Variants in CSMD3 observed in about 807,000 individuals in gnomAD.
The protein encoded by CSMD3 is CUB and Sushi multiple domains 3.
Under a neutral mutation model 435.2 loss-of-function variants are expected in CSMD3, and 177 were observed. The observed-to-expected ratio is 0.41, with a 90% confidence interval of 0.36 to 0.46. CSMD3 has a LOEUF of 0.46. CSMD3 is among the 20% of genes least tolerant of loss of function. CSMD3 has a pLI of 0.34. For synonymous variants in CSMD3, 1,656 were observed against 1,520.5 expected (o/e 1.09, Z -2.07); for missense variants, 4,265 against 4,504.6 (o/e 0.95, Z 1.52).
intron 13 of CSMD3, among the ~76,000 whole-genome samples, chr8:112,747,320 GAGAA>G (rs552807887): frequency 6.7e-6 from 1 of 148,434 alleles, no homozygotes; most frequent in South Asian, 2.2e-4. Context: ...AATGTGGTTG[GAGAA>G]AAACTTCAAT....
chr8:113,166,058 T>C lies in CSMD3; in HGVS notation c.709+7664A>G, dbSNP rs1023905753. ...GATCTTTTTGCATGAAATTAGACTA[T>C]ACACAGTTAGACAATAACCCAGATC... On this transcript the variant is annotated intron_variant, in intron 4 of 70. Coordinates refer to ENST00000297405, the MANE Select transcript of CSMD3 (RefSeq NM_198123.2). 2.6e-5 allele frequency among the ~76,000 whole-genome samples: 4 copies of C among 152,098 alleles called. No homozygotes were observed. The East Asian group carries it at 7.7e-4, about 29-fold the overall frequency.
intron 6 of CSMD3, among the ~76,000 whole-genome samples, chr8:112,999,467 G>A (rs895669413): frequency 2.0e-5 from 3 of 151,828 alleles, no homozygotes; most frequent in African/African-American, 7.3e-5. Flanking sequence ...AGTCAGAGAC[G>A]TAAGTTAGTA....
intron 11 of CSMD3, among the ~76,000 whole-genome samples, chr8:112,830,295 T>G (rs1456499544): frequency 6.6e-6 from 1 of 152,168 alleles, no homozygotes; most frequent in Non-Finnish European, 1.5e-5. Context: ...CAGAATGGTA[T>G]CAAGTTTATT....
chr8:113,280,495 G>A (rs982453578), intron 2 of CSMD3, among the ~76,000 whole-genome samples: 1 of 151,870 alleles, frequency 6.6e-6, no homozygotes, highest in African/African-American at 2.4e-5. Flanking sequence ...CATTTTGGTT[G>A]TGTCAGTTGT....
intron 32 of CSMD3, among the ~76,000 whole-genome samples, chr8:112,459,440 A>G (rs190599242): frequency 6.6e-6 from 1 of 152,132 alleles, no homozygotes; most frequent in Admixed American, 6.6e-5. Flanking sequence ...CAGAAGAGTC[A>G]AAAGTGTTGC....
chr8:112,997,233 C>A lies in CSMD3; in HGVS notation c.1031-21085G>T, dbSNP rs147327670. Among the ~76,000 whole-genome samples the A allele has an allele frequency of 9.5e-3, 1,444 of 151,614 alleles. 16 individuals are homozygous for A. Among genetic ancestry groups the A allele is most frequent in the African/African-American group, 0.034 (1,389 of 41,436 alleles). On this transcript the variant is annotated intron_variant, in intron 6 of 70. Transcript: ENST00000297405. ...AGATGGAAAATAATGAAATTATTTT[C>A]TTTTTCTAAAAGTCACATTCCAGCT...
At chr8:112,688,272 C>G (rs1009585831) in intron 14 of CSMD3, among the ~76,000 whole-genome samples, 1 of 152,056 alleles carries the variant, frequency 6.6e-6, no homozygotes, top group Non-Finnish European at 1.5e-5. Flanking sequence ...TAGATAGATG[C>G]TTATATCATA....
intron 4 of CSMD3, among the ~76,000 whole-genome samples, chr8:113,158,523 G>C (rs1564376417): frequency 6.6e-6 from 1 of 152,050 alleles, no homozygotes; most frequent in Non-Finnish European, 1.5e-5. Context: ...AATTCAGCTT[G>C]CAAGAATTTC....
chr8:112,779,509 T>TA (rs1384079758), intron 13 of CSMD3, among the ~76,000 whole-genome samples: 2 of 152,022 alleles, frequency 1.3e-5, no homozygotes, highest in East Asian at 1.9e-4. Flanking sequence ...GGAGAATGAA[T>TA]AATTCATGGG....
At position 113,118,614 on chromosome 8, in the gene CSMD3, A is replaced by G. The variant is rs182403717; in HGVS notation, c.710-19651T>C. On this transcript the variant is annotated intron_variant, in intron 4 of 70. Coordinates refer to ENST00000297405, the MANE Select transcript of CSMD3 (RefSeq NM_198123.2). The stretch of plus-strand genomic sequence containing the variant: ...TAGGTCGAGGTTGCAGTGATCTAGG[A>G]TTGTGCCACTGCACTACAGCTTGGG... 3.0e-3 allele frequency among the ~76,000 whole-genome samples: 461 copies of G among 151,950 alleles called. 2 individuals are homozygous for G. The highest frequency in any genetic ancestry group is 5.1e-3 in the Non-Finnish European group (349 of 68,002).
intron 13 of CSMD3, among the ~76,000 whole-genome samples, chr8:112,730,897 A>T (rs553942037): frequency 1.3e-5 from 2 of 152,262 alleles, no homozygotes; most frequent in Non-Finnish European, 2.9e-5. Context: ...AACTGTTCAC[A>T]GTGCTCTTGA....
intron 10 of CSMD3, among the ~76,000 whole-genome samples, chr8:112,912,526 T>C (rs1009136049): frequency 1.3e-5 from 2 of 151,960 alleles, no homozygotes; most frequent in East Asian, 3.9e-4. Context: ...AAGAAGAAAA[T>C]TGGACCTTTA....
In CSMD3 at chr8:113,320,836, G is replaced by C. The variant is rs115438443; in HGVS notation, c.179-6043C>G. 8.3e-3 allele frequency among the ~76,000 whole-genome samples: 1,261 copies of C among 152,124 alleles called. 17 individuals are homozygous for C. The highest frequency in any genetic ancestry group is 0.028 in the African/African-American group (1,181 of 41,538). The stretch of plus-strand genomic sequence containing the variant: ...TTAGCAACCACAGATATAGCTGTAA[G>C]CAATACTGGTGACCATAAAAGAGGC... On this transcript the variant is annotated intron_variant, in intron 1 of 70. Coordinates refer to ENST00000297405, the MANE Select transcript of CSMD3 (RefSeq NM_198123.2).
intron 5 of CSMD3, among the ~76,000 whole-genome samples, chr8:113,041,539 G>C (rs2087616093): frequency 6.6e-6 from 1 of 152,008 alleles, no homozygotes; most frequent in Non-Finnish European, 1.5e-5. Flanking sequence ...GCCTTGGGAG[G>C]TTTTTGCTCA....
intron 11 of CSMD3, among the ~76,000 whole-genome samples, chr8:112,843,380 T>C (rs938064143): frequency 2.0e-5 from 3 of 151,896 alleles, no homozygotes; most frequent in Non-Finnish European, 4.4e-5. Context: ...TGCTGTCCAA[T>C]TTCCTTGTTA....
At chr8:113,106,282 G>C (rs1374798695) in intron 4 of CSMD3, among the ~76,000 whole-genome samples, 2 of 151,570 alleles carry the variant, frequency 1.3e-5, no homozygotes, top group Non-Finnish European at 2.9e-5. Context: ...ATGAAAAGAT[G>C]ACCACATGAA....
chr8:112,518,687 T>G (rs1823958875), intron 27 of CSMD3, among the ~76,000 whole-genome samples: 1 of 151,704 alleles, frequency 6.6e-6, no homozygotes, highest in African/African-American at 2.4e-5. Flanking sequence ...TTTCTTGATT[T>G]GCTCTGGAAT....
intron 13 of CSMD3, among the ~76,000 whole-genome samples, chr8:112,715,801 T>G (rs2076712775): frequency 6.6e-6 from 1 of 152,146 alleles, no homozygotes; most frequent in Non-Finnish European, 1.5e-5. Flanking sequence ...ATCCATCACA[T>G]AAACATAACC....
Position 112,476,758 on chromosome 8 carries a change from C to T in CSMD3, c.5279-4051G>A, listed in dbSNP as rs141255676. The stretch of plus-strand genomic sequence containing the variant: ...AAATTGCCATTATTCTAGATTTGCT[C>T]TCCCTGACTCTTGGCGTCCAACAAA... On this transcript the variant is annotated intron_variant, in intron 31 of 70. Coordinates refer to ENST00000297405, the MANE Select transcript of CSMD3 (RefSeq NM_198123.2). Among the ~76,000 whole-genome samples the T allele has an allele frequency of 3.3e-5, 5 of 152,270 alleles. No homozygotes were observed. The East Asian group carries it at 5.8e-4, about 18-fold the overall frequency.
Sources: allele counts gnomAD v4.1 joint callset (sites outside exome capture counted in the v4.1 genomes callset), GRCh38; gene constraint gnomAD v4.1.1; transcripts MANE v1.5; gene names NCBI Gene and HGNC (gene_info 2026-07-23, HGNC 2026-07-21).